OCA2: variants seen among roughly 807,000 people sequenced by gnomAD.
The protein encoded by OCA2 is OCA2 melanosomal transmembrane protein, also known as P protein.
A neutral mutation model predicts 100.2 loss-of-function variants in OCA2; 77 were observed. The ratio of observed to expected loss-of-function variants is 0.77; its 90% CI spans 0.64 to 0.93. OCA2 has a LOEUF of 0.93. Ranked by LOEUF, OCA2 falls within the 40% of genes least tolerant of loss-of-function variation. The pLI is 0.00. For missense variants in OCA2, 1,062 were observed against 1,089.1 expected (o/e 0.98, Z 0.35); for synonymous variants, 432 against 439.2 (o/e 0.98, Z 0.21).
chr15:27,739,183 T>C, the OCA2 span, among the ~76,000 whole-genome samples: 2 of 152,126 alleles, frequency 1.3e-5, no homozygotes. Context: ...ACCCTAAAAA[T>C]AAATAGGAAA....
intron 23 of OCA2, among the ~76,000 whole-genome samples, chr15:27,792,287 T>C (rs1293060719): frequency 6.6e-6 from 1 of 152,192 alleles, no homozygotes; most frequent in Non-Finnish European, 1.5e-5. Flanking sequence ...CTTTCTTTTT[T>C]CATTGATCCA....
At chr15:27,913,892 A>AAAGAAAGCAAGC (rs2038538889) in intron 19 of OCA2, among the ~76,000 whole-genome samples, 5 of 37,420 alleles carry the variant, frequency 1.3e-4, no homozygotes, top group Admixed American at 3.0e-4. Context: ...AGAAAGAAAG[A>AAAGAAAGCAAGC]AAGCAAGCAA....
chr15:27,837,294 C>T (rs2035191031), intron 23 of OCA2, among the ~76,000 whole-genome samples: 1 of 152,242 alleles, frequency 6.6e-6, no homozygotes, highest in African/African-American at 2.4e-5. Flanking sequence ...AGCGATGCCA[C>T]TGTCTTGCTT....
At chr15:28,012,714 T>C (rs1023353190) in intron 9 of OCA2, among the ~76,000 whole-genome samples, 9 of 152,214 alleles carry the variant, frequency 5.9e-5, no homozygotes, top group African/African-American at 2.2e-4. Flanking sequence ...AATTATGTAG[T>C]TTTCAAAGGT....
intron 23 of OCA2, among the ~76,000 whole-genome samples, chr15:27,767,148 C>G (rs1446862965): frequency 2.0e-5 from 3 of 152,184 alleles, no homozygotes; most frequent in Non-Finnish European, 4.4e-5. Context: ...TTAGTTTCCT[C>G]TAGGATCAAG....
rs766291945 is a variant in OCA2, at chr15:27,755,350, AAGTTTCCTTTAGTCTTCGAGC to A, written c.*17_*37del. On this transcript the variant is annotated 3_prime_UTR_variant, in exon 24 of 24. Coordinates refer to ENST00000354638, the MANE Select transcript of OCA2 (RefSeq NM_000275.3). ...TATGACTAATGGGTTGTGATGGATGAAGTTTCCTTTAGTCTTCGAGCAATAGATGGATGTCTATTAATTCCA... is the reference window on the plus strand; with the variant it reads ...TATGACTAATGGGTTGTGATGGATGAAATAGATGGATGTCTATTAATTCCA... The A allele has an allele frequency of 1.4e-6, 2 of 1,476,956 alleles. No individual in the cohort carries two copies. The highest frequency in any genetic ancestry group is 2.3e-5 in the South Asian group (2 of 88,272). The allele number at this position is 1,476,956 out of a possible 1,614,324, so 91.5% of individuals were successfully genotyped here.
At position 27,898,190 on chromosome 15, in the gene OCA2, G is replaced by C. The variant is rs1210658032; in HGVS notation, c.2080-26268C>G. Among the ~76,000 whole-genome samples the C allele has an allele frequency of 3.9e-5, 6 of 152,136 alleles. No individual in the cohort carries two copies. In the East Asian group the frequency reaches 9.6e-4, roughly 24 times the overall value. On this transcript the variant is annotated intron_variant, in intron 19 of 23. Transcript: ENST00000354638. ...TAATGCTGAAATTAGTTAAGACTTT[G>C]GGGAACTGTTGAAGGCATGATTGGT...
chr15:27,731,404 A>G, the OCA2 span, among the ~76,000 whole-genome samples: 58 of 152,348 alleles, frequency 3.8e-4, no homozygotes, highest in Admixed American at 5.9e-4. Flanking sequence ...CAAATTACAT[A>G]TCTCTTTTGG....
chr15:27,874,763 A>T (rs1250636688), intron 19 of OCA2, among the ~76,000 whole-genome samples: 1 of 152,232 alleles, frequency 6.6e-6, no homozygotes, highest in Non-Finnish European at 1.5e-5. Context: ...ATACTAAAAG[A>T]GTGAGTATAT....
chr15:27,851,291 G>A lies in OCA2; in HGVS notation c.2338+91C>T, dbSNP rs1235652625. On this transcript the variant is annotated intron_variant, in intron 22 of 23. Coordinates refer to ENST00000354638, the MANE Select transcript of OCA2 (RefSeq NM_000275.3). The stretch of plus-strand genomic sequence containing the variant: ...AAATCATCCAGACTCTCCTTCATTT[G>A]CTTTTAATCTGATACACACTAACTG... The A allele has an allele frequency of 1.8e-5, 19 of 1,049,226 alleles. No individual in the cohort carries two copies. In the East Asian group the frequency reaches 4.1e-4, roughly 23 times the overall value. 65.0% of individuals were successfully genotyped at this position (1,049,226 alleles called of 1,614,324 possible). A position where few individuals can be genotyped will look rare whatever the true frequency, so the allele number is the denominator to read the frequency against.
chr15:27,851,543 A>G (rs953808322), intron 21 of OCA2, 68 bp from the exon 22 acceptor site: 15 of 1,249,356 alleles, frequency 1.2e-5, no homozygotes, highest in Middle Eastern at 1.8e-4. Context: ...ACTGTGACCA[A>G]TTTAGAAAAT....
At chr15:27,913,833 AG>A (rs2038501650) in intron 19 of OCA2, among the ~76,000 whole-genome samples, 1 of 67,430 alleles carries the variant, frequency 1.5e-5, no homozygotes, top group African/African-American at 5.4e-5. Context: ...AAAGAAAGAA[AG>A]AAAGGAAAGA....
intron 23 of OCA2, among the ~76,000 whole-genome samples, chr15:27,811,025 T>C (rs373354385): frequency 4.0e-5 from 6 of 148,750 alleles, no homozygotes; most frequent in East Asian, 4.1e-4. Context: ...ACTGAGTATC[T>C]ACCCAAAGGC....
intron 21 of OCA2, among the ~76,000 whole-genome samples, chr15:27,854,345 GC>G (rs2035874968): frequency 6.6e-6 from 1 of 152,190 alleles, no homozygotes; most frequent in Admixed American, 6.5e-5. Context: ...CCATGTGCCT[GC>G]TACTGCACAT....
chr15:27,943,306 C>A (rs917292855), intron 18 of OCA2, among the ~76,000 whole-genome samples: 1 of 152,054 alleles, frequency 6.6e-6, no homozygotes, highest in Non-Finnish European at 1.5e-5. Flanking sequence ...ATCTTCAGAC[C>A]GATAGAATAG....
At chr15:27,917,665 G>C (rs2594940) in intron 19 of OCA2, among the ~76,000 whole-genome samples, 1 of 152,062 alleles carries the variant, frequency 6.6e-6, no homozygotes, top group Admixed American at 6.6e-5. Context: ...TGCTCATAGA[G>C]GGGGGAAGCA....
intron 21 of OCA2, among the ~76,000 whole-genome samples, chr15:27,870,794 AAGAAAGAAAGAAAGAAAGAGAGAG>A (rs1178923502): frequency 1.2e-4 from 4 of 33,476 alleles, no homozygotes; most frequent in Non-Finnish European, 1.6e-4. Flanking sequence ...AAGAAAAAGA[AAGAAAGAAAGAAAGAAAGAGAGAG>A]AGAAAGAAAG....
intron 18 of OCA2, among the ~76,000 whole-genome samples, chr15:27,940,607 A>G (rs2039614456): frequency 6.6e-6 from 1 of 152,246 alleles, no homozygotes; most frequent in African/African-American, 2.4e-5. Flanking sequence ...CAGCAGGGCC[A>G]GTGTTTCACT....
At chr15:28,011,538 A>AG (rs199730627) in intron 9 of OCA2, among the ~76,000 whole-genome samples, 2,041 of 152,152 alleles carry the variant, frequency 0.013, 42 homozygotes, top group African/African-American at 0.047. Context: ...CTGAAAAAAA[A>AG]AAAGAAAACC....
Sources: allele counts gnomAD v4.1 joint callset (sites outside exome capture counted in the v4.1 genomes callset), GRCh38; gene constraint gnomAD v4.1.1; transcripts MANE v1.5; gene names NCBI Gene and HGNC (gene_info 2026-07-23, HGNC 2026-07-21).